Variants in DCC observed in about 807,000 individuals in gnomAD.
The protein encoded by DCC is DCC netrin 1 receptor.
Under a neutral mutation model 172.5 loss-of-function variants are expected in DCC, and 58 were observed. The ratio of observed to expected loss-of-function variants is 0.34; its 90% CI spans 0.27 to 0.42. The LOEUF is 0.42. Among genes scored for constraint, DCC ranks in the 10% least tolerant of loss-of-function variants. DCC has a pLI of 1.00. For missense variants in DCC, 1,740 were observed against 1,791.0 expected (o/e 0.97, Z 0.51); for synonymous variants, 709 against 644.5 (o/e 1.10, Z -1.52).
At chr18:52,953,532 G>A (rs2040692334) in intron 5 of DCC, among the ~76,000 whole-genome samples, 1 of 152,292 alleles carries the variant, frequency 6.6e-6, no homozygotes, top group East Asian at 1.9e-4. Context: ...TACCCACTGA[G>A]TCATTCTAAT....
intron 1 of DCC, among the ~76,000 whole-genome samples, chr18:52,669,313 G>A (rs2035510237): frequency 6.6e-6 from 1 of 152,176 alleles, no homozygotes. Context: ...GAATCTTGTA[G>A]CCTCCAGCTG....
At chr18:52,759,316 G>T (rs1210638548) in intron 2 of DCC, among the ~76,000 whole-genome samples, 1 of 152,086 alleles carries the variant, frequency 6.6e-6, no homozygotes, top group Non-Finnish European at 1.5e-5. Context: ...TGAAAAATAT[G>T]CAGAGTGAAA....
At chr18:53,371,019 A>G (rs1324469541) in intron 15 of DCC, among the ~76,000 whole-genome samples, 1 of 151,938 alleles carries the variant, frequency 6.6e-6, no homozygotes, top group Non-Finnish European at 1.5e-5. Flanking sequence ...TATTTTTTGG[A>G]AATTATTGTT....
chr18:53,426,866 A>C (rs11659175), intron 21 of DCC, among the ~76,000 whole-genome samples: 65,667 of 151,960 alleles, frequency 0.43, 15,976 homozygotes, highest in Non-Finnish European at 0.56. Flanking sequence ...ATCTACACAG[A>C]CTAGCAGGGC....
At chr18:53,459,735 C>G (rs907409673) in intron 24 of DCC, among the ~76,000 whole-genome samples, 12 of 152,204 alleles carry the variant, frequency 7.9e-5, no homozygotes, top group Middle Eastern at 3.4e-3. Context: ...AATACAGAAA[C>G]TTAAATCCTA....
At chr18:53,164,427 T>C (rs1479132989) in intron 8 of DCC, among the ~76,000 whole-genome samples, 2 of 152,072 alleles carry the variant, frequency 1.3e-5, no homozygotes, top group Admixed American at 6.6e-5. Flanking sequence ...TTGTATTTTA[T>C]ATATATAAAA....
intron 13 of DCC, among the ~76,000 whole-genome samples, chr18:53,310,105 A>G (rs998368141): frequency 2.6e-5 from 4 of 151,866 alleles, no homozygotes; most frequent in Non-Finnish European, 5.9e-5. Flanking sequence ...ACTGGGCTAC[A>G]GAAACACCTG....
intron 2 of DCC, among the ~76,000 whole-genome samples, chr18:52,892,114 C>T (rs902495792): frequency 4.6e-5 from 7 of 152,042 alleles, no homozygotes; most frequent in African/African-American, 1.4e-4. Context: ...GCTTCAAAGC[C>T]CATGTCCTAT....
chr18:53,529,036 TCTCACACACACACACACACA>T (rs1490719294), intron 28 of DCC, among the ~76,000 whole-genome samples: 4 of 46,754 alleles, frequency 8.6e-5, no homozygotes, highest in African/African-American at 2.6e-4. Context: ...TCTCTCTCTC[TCTCACACACACACACACACA>T]CACACACACA....
intron 20 of DCC, among the ~76,000 whole-genome samples, chr18:53,414,167 C>T (rs954825463): frequency 1.3e-5 from 2 of 152,146 alleles, no homozygotes; most frequent in African/African-American, 4.8e-5. Context: ...TGACAAGGTA[C>T]AAGATTTCAT....
intron 15 of DCC, among the ~76,000 whole-genome samples, chr18:53,358,805 C>A (rs954561693): frequency 2.0e-5 from 3 of 152,108 alleles, no homozygotes; most frequent in Admixed American, 2.0e-4. Context: ...CAGGCGTGAG[C>A]CACCACACCC....
At chr18:53,090,981 A>G (rs552288797) in intron 7 of DCC, among the ~76,000 whole-genome samples, 24 of 152,092 alleles carry the variant, frequency 1.6e-4, no homozygotes, top group African/African-American at 5.8e-4. Flanking sequence ...TCTGGCAACT[A>G]CATTGTAACA....
chr18:52,693,433 A>T (rs2035962515), intron 1 of DCC, among the ~76,000 whole-genome samples: 1 of 147,488 alleles, frequency 6.8e-6, no homozygotes, highest in African/African-American at 2.5e-5. Context: ...TACATATAAA[A>T]TATATGGGAT....
chr18:52,827,020 C>T (rs9951920), intron 2 of DCC, among the ~76,000 whole-genome samples: 39,856 of 151,998 alleles, frequency 0.26, 5,349 homozygotes, highest in South Asian at 0.3. Context: ...GGTGGATGCA[C>T]ATAGGTTATA....
At chr18:53,033,699 A>G (rs1254121333) in intron 5 of DCC, among the ~76,000 whole-genome samples, 1 of 152,118 alleles carries the variant, frequency 6.6e-6, no homozygotes, top group African/African-American at 2.4e-5. Context: ...CAAATATGCC[A>G]TAATACTCTC....
intron 15 of DCC, among the ~76,000 whole-genome samples, chr18:53,358,790 G>T (rs1363237655): frequency 1.3e-5 from 2 of 151,930 alleles, no homozygotes; most frequent in Non-Finnish European, 2.9e-5. Context: ...AAAGTCATGG[G>T]ACTACAGGCG....
rs763270026 is a variant in DCC, at chr18:53,206,672, C to CAT, written c.1723-998_1723-997dup. ...AATATATGTATACATATTTATAATGCATATATATATGTATGACTGTTGAGG... is the reference window on the plus strand; with the variant it reads ...AATATATGTATACATATTTATAATGCATATATATATATGTATGACTGTTGAGG... On this transcript the variant is annotated intron_variant, in intron 10 of 28. Coordinates refer to ENST00000442544, the MANE Select transcript of DCC (RefSeq NM_005215.4). Among the ~76,000 whole-genome samples, 15 of 144,518 alleles carry CAT rather than the reference C, an allele frequency of 1.0e-4. No individual in the cohort carries two copies. In the South Asian group the frequency reaches 1.3e-3, roughly 12 times the overall value. The allele number at this position is 144,518 out of a possible 152,430, so 94.8% of individuals were successfully genotyped here.
chr18:52,952,997 T>A (rs1328149010), intron 5 of DCC, among the ~76,000 whole-genome samples: 1 of 31,126 alleles, frequency 3.2e-5, no homozygotes, highest in East Asian at 6.2e-4. Flanking sequence ...GACTCTCCTG[T>A]CTCAAAAAAA....
intron 2 of DCC, among the ~76,000 whole-genome samples, chr18:52,806,092 TTAG>T (rs1281865406): frequency 6.6e-6 from 1 of 152,198 alleles, no homozygotes; most frequent in Non-Finnish European, 1.5e-5. Context: ...ATTTCCTCCA[TTAG>T]ATAATACCGG....
Sources: allele counts gnomAD v4.1 joint callset (sites outside exome capture counted in the v4.1 genomes callset), GRCh38; gene constraint gnomAD v4.1.1; transcripts MANE v1.5; gene names NCBI Gene and HGNC (gene_info 2026-07-23, HGNC 2026-07-21).